The following SPMIP2 variants were observed in gnomAD, a reference collection of about 807,000 sequenced individuals.
SPMIP2 encodes the protein protein SPMIP2.
At chr4:158,926,256 G>GT in the SPMIP2 span, among the ~76,000 whole-genome samples, 92 of 146,154 alleles carry the variant, frequency 6.3e-4, no homozygotes, top group Admixed American at 8.2e-4. Flanking sequence ...TCACTTTCCA[G>GT]TTTTTTTTTT....
the SPMIP2 span, among the ~76,000 whole-genome samples, chr4:159,070,047 T>A: frequency 7.1e-6 from 1 of 141,242 alleles, no homozygotes; most frequent in East Asian, 2.0e-4. Context: ...GGTGGTACAC[T>A]TTTTTTTTTT....
At chr4:158,970,755 T>TA in the SPMIP2 span, among the ~76,000 whole-genome samples, 1 of 152,174 alleles carries the variant, frequency 6.6e-6, no homozygotes, top group Non-Finnish European at 1.5e-5. Context: ...CAAGGAGCTT[T>TA]AAGGTATTGT....
chr4:158,943,305 T>G, the SPMIP2 span, among the ~76,000 whole-genome samples: 11 of 152,216 alleles, frequency 7.2e-5, no homozygotes, highest in African/African-American at 2.4e-4. Flanking sequence ...GTTAGCCAGT[T>G]GCCCCAATTC....
the SPMIP2 span, among the ~76,000 whole-genome samples, chr4:159,055,701 C>A: frequency 3.3e-5 from 5 of 151,866 alleles, no homozygotes; most frequent in South Asian, 8.3e-4. Context: ...CAGAGTAAGA[C>A]CCTGTCTCAA....
chr4:159,064,293 T>TA, the SPMIP2 span: 148 of 152,246 alleles, frequency 9.7e-4, no homozygotes, highest in African/African-American at 3.2e-3. Context: ...TTATTATTAT[T>TA]TTTTTAAGAC....
the SPMIP2 span, among the ~76,000 whole-genome samples, chr4:159,022,058 G>A: frequency 4.6e-5 from 7 of 152,172 alleles, no homozygotes; most frequent in Middle Eastern, 6.8e-3. Flanking sequence ...CTCTGTTTCC[G>A]TTTTATGAAA....
At chr4:159,060,796 T>C in the SPMIP2 span, among the ~76,000 whole-genome samples, 1 of 152,114 alleles carries the variant, frequency 6.6e-6, no homozygotes, top group Non-Finnish European at 1.5e-5. Flanking sequence ...TAAGTATATA[T>C]AGCATAGGCT....
chr4:158,943,951 G>A, the SPMIP2 span, among the ~76,000 whole-genome samples: 1 of 136,496 alleles, frequency 7.3e-6, no homozygotes, highest in Non-Finnish European at 1.5e-5. Context: ...CACCTCCTGG[G>A]TTCAAGTGAT....
the SPMIP2 span, among the ~76,000 whole-genome samples, chr4:159,017,570 G>A: frequency 2.0e-5 from 3 of 152,028 alleles, no homozygotes; most frequent in Admixed American, 6.6e-5. Flanking sequence ...CACCTAACAC[G>A]ATCTTTTTAG....
the SPMIP2 span, among the ~76,000 whole-genome samples, chr4:158,987,342 T>C: frequency 0.63 from 95,557 of 151,768 alleles, 30,436 homozygotes; most frequent in Middle Eastern, 0.71. Flanking sequence ...CATATGTTTA[T>C]TGTGGCACTA....
the SPMIP2 span, among the ~76,000 whole-genome samples, chr4:158,921,305 G>A: frequency 6.6e-6 from 1 of 152,180 alleles, no homozygotes; most frequent in African/African-American, 2.4e-5. Flanking sequence ...AGCCAGCCAT[G>A]GTGGCATGCA....
At chr4:158,946,308 G>C in the SPMIP2 span, among the ~76,000 whole-genome samples, 14 of 152,150 alleles carry the variant, frequency 9.2e-5, no homozygotes, top group African/African-American at 3.4e-4. Flanking sequence ...CATCTCGTCT[G>C]TTTGCTCTCA....
At chr4:158,904,412 C>A in the SPMIP2 span, 3 of 1,409,584 alleles carry the variant, frequency 2.1e-6, no homozygotes, top group South Asian at 2.3e-5. Flanking sequence ...ATAATACTTT[C>A]TCATAAAACC....
At chr4:159,067,148 A>G in the SPMIP2 span, among the ~76,000 whole-genome samples, 5 of 152,364 alleles carry the variant, frequency 3.3e-5, no homozygotes, top group Middle Eastern at 0.01. Context: ...ACGACTGGAT[A>G]GGAACTATAA....
chr4:159,070,682 A>G, the SPMIP2 span, among the ~76,000 whole-genome samples: 1 of 152,204 alleles, frequency 6.6e-6, no homozygotes, highest in Non-Finnish European at 1.5e-5. Context: ...ATTGTCCTCA[A>G]TATGGCAATC....
the SPMIP2 span, among the ~76,000 whole-genome samples, chr4:158,977,415 T>C: frequency 3.9e-5 from 6 of 152,186 alleles, no homozygotes; most frequent in Non-Finnish European, 7.3e-5. Context: ...TAGTAGTTTG[T>C]ATTTCTGTGG....
the SPMIP2 span, among the ~76,000 whole-genome samples, chr4:159,071,419 T>C: frequency 6.6e-6 from 1 of 152,210 alleles, no homozygotes; most frequent in Non-Finnish European, 1.5e-5. Flanking sequence ...AGGAGGAGCC[T>C]TGGATTTACA....
the SPMIP2 span, among the ~76,000 whole-genome samples, chr4:158,895,311 C>A: frequency 6.6e-6 from 1 of 152,088 alleles, no homozygotes; most frequent in Non-Finnish European, 1.5e-5. Context: ...AAAACAAAAA[C>A]CATACTGTTT....
At chr4:158,995,120 G>A in the SPMIP2 span, among the ~76,000 whole-genome samples, 4 of 152,044 alleles carry the variant, frequency 2.6e-5, no homozygotes, top group African/African-American at 9.7e-5. Flanking sequence ...GTCTTGCTGT[G>A]TTGCCCAGAC....
Sources: gnomAD v4.1 joint callset for allele counts (sites outside exome capture counted in the v4.1 genomes callset) on GRCh38, gnomAD v4.1.1 for gene constraint, MANE v1.5 for transcripts, NCBI Gene and HGNC (gene_info 2026-07-23, HGNC 2026-07-21) for gene names.